Variants in CCNJ observed in about 807,000 individuals in gnomAD.
CCNJ encodes cyclin-J.
Under a neutral mutation model 41.4 loss-of-function variants are expected in CCNJ, and 12 were observed. The ratio of observed to expected loss-of-function variants is 0.29; its 90% CI spans 0.19 to 0.47. The LOEUF (loss-of-function observed/expected upper bound fraction) is 0.47. CCNJ is among the 20% of genes least tolerant of loss of function. CCNJ has a pLI of 1.00. For synonymous variants in CCNJ, 161 were observed against 173.4 expected, an observed-to-expected ratio of 0.93 and a Z score of 0.56; for missense variants, 340 against 464.6, an observed-to-expected ratio of 0.73 and a Z score of 2.47.
rs1348013960 is a variant in CCNJ, at chr10:96,056,969, T to C, written c.549T>C (p.Tyr183=). ...AGACTAAACTCTACATGGCCAAATATGCAGATTACTTCCTGGAAGTATCTT... is the reference window on the plus strand; with the variant it reads ...AGACTAAACTCTACATGGCCAAATACGCAGATTACTTCCTGGAAGTATCTT... ...LEKTKLYMAK[Y]ADYFLEVSLQ... Residue 183 remains tyrosine, a synonymous_variant, in exon 4 of 6, where the codon TAT becomes TAC. Coordinates refer to ENST00000465148, the MANE Select transcript of CCNJ (RefSeq NM_001134375.2). The C allele has an allele frequency of 4.3e-6, 7 of 1,614,044 alleles. No homozygotes were observed. Among genetic ancestry groups the C allele is most frequent in the African/African-American group, 2.7e-5 (2 of 75,056 alleles).
chr10:96,057,402 A>G (rs371391954), intron 5 of CCNJ, among the ~76,000 whole-genome samples, 155 bp downstream of exon 5: 5 of 152,356 alleles, frequency 3.3e-5, no homozygotes, highest in South Asian at 2.1e-4. Flanking sequence ...ATGTATGAGC[A>G]GAACTCTAGG....
intron 3 of CCNJ, among the ~76,000 whole-genome samples, chr10:96,050,737 A>AT (rs1169528355): frequency 1.3e-5 from 2 of 152,170 alleles, no homozygotes; most frequent in Non-Finnish European, 2.9e-5. Flanking sequence ...GGTACTGGGT[A>AT]TTTTTTAACT....
chr10:96,044,240 T>G (rs1889921), intron 1 of CCNJ, 113 bp from the exon 2 acceptor site: 218,892 of 462,452 alleles, frequency 0.47, 52,160 homozygotes, highest in Admixed American at 0.53. Flanking sequence ...TGAGGAAGAG[T>G]CAAGTGAAGA....
At position 96,056,914 on chromosome 10, in the gene CCNJ, A is replaced by T. The variant is rs771553105; in HGVS notation, c.494A>T (p.His165Leu). Reference sequence around the variant, plus strand: ...GAAGCAGTACACGAAACAGATCTTCATGACGGCTGGCCAATGATTTGCTTG... The same window carrying T: ...GAAGCAGTACACGAAACAGATCTTCTTGACGGCTGGCCAATGATTTGCTTG... ...LSEAVHETDL[H>L]DGWPMICLEK... The change falls in exon 4 of 6, where the codon CAT (histidine) becomes CTT (leucine). Residue 165 changes from histidine to leucine, a missense_variant. His to Leu is a moderately conservative substitution (Grantham distance 99). This residue lies in a region of CCNJ where 137 missense variants were observed against 252.9 expected (regional missense o/e 0.54). Transcript: ENST00000465148. The T allele has an allele frequency of 6.2e-7, 1 of 1,614,196 alleles. No individual in the cohort carries two copies. Among genetic ancestry groups the T allele is most frequent in the Non-Finnish European group, 8.5e-7 (1 of 1,180,018 alleles).
chr10:96,044,400 C>T lies in CCNJ; in HGVS notation c.7C>T (p.Leu3=), dbSNP rs1220309444. The T allele has an allele frequency of 1.3e-6, 2 of 1,555,434 alleles. No individual in the cohort carries two copies. The highest frequency in any genetic ancestry group is 1.2e-5 in the South Asian group (1 of 84,644). ME[L]EGQWWRGQLA... ...GGGCGCGCCGCCGGGTCCCATGGAG[C>T]TGGAGGGGCAGTGGTGGCGAGGACA... Residue 3 remains leucine (L), a synonymous_variant, in exon 2 of 6, where the codon CTG becomes TTG. Coordinates refer to ENST00000465148, the MANE Select transcript of CCNJ (RefSeq NM_001134375.2).
chr10:96,043,669 G>A lies in CCNJ; in HGVS notation c.-92G>A, dbSNP rs543765336. ...CACTGTCCGCAGCATGAGCGGGGCCGGCGTCCGCCGCACGACGGCGGGGCT... is the reference window on the plus strand; with the variant it reads ...CACTGTCCGCAGCATGAGCGGGGCCAGCGTCCGCCGCACGACGGCGGGGCT... On this transcript the variant is annotated 5_prime_UTR_variant, in exon 1 of 6. Transcript: ENST00000465148. The A allele has an allele frequency of 3.5e-4, 139 of 394,476 alleles. 3 individuals are homozygous for A. Among genetic ancestry groups the A allele is most frequent in the South Asian group, 1.8e-3 (14 of 7,796 alleles). The allele number at this position is 394,476 out of a possible 1,614,324, so 24.4% of individuals were successfully genotyped here. A position where few individuals can be genotyped will look rare whatever the true frequency, so the allele number is the denominator to read the frequency against.
Position 96,060,534 on chromosome 10 carries a change from A to G in CCNJ, c.*2293A>G, listed in dbSNP as rs147123834. 0.02 allele frequency: 3,123 copies of G among 152,540 alleles called. 136 individuals carry two copies. The highest frequency in any genetic ancestry group is 0.09 in the East Asian group (463 of 5,166). The allele number at this position is 152,540 out of a possible 1,614,324, so 9.4% of individuals were successfully genotyped here. ...TATTTTTAAAACATTAGGTTTCAAT[A>G]TAAATACAACTCACAACTGCTAGCT... is the stretch of plus-strand genomic sequence containing the variant. On this transcript the variant is annotated 3_prime_UTR_variant, in exon 6 of 6. Transcript: ENST00000465148.
chr10:96,050,580 T>C (rs1012844388), intron 3 of CCNJ, 114 bp downstream of exon 3: 6 of 750,370 alleles, frequency 8.0e-6, no homozygotes, highest in Non-Finnish European at 1.3e-5. Flanking sequence ...AGTTCACTAG[T>C]ATCAAGAAGC....
Position 96,057,093 on chromosome 10 carries a change from G to A in CCNJ, c.586G>A (p.Ala196Thr). The change falls in exon 5 of 6, where the codon GCC (alanine) becomes ACC (threonine). Residue 196 changes from alanine (A) to threonine (T), a missense_variant. Ala to Thr is a moderately conservative substitution (Grantham distance 58). This residue lies in a region of CCNJ where 137 missense variants were observed against 252.9 expected (regional missense o/e 0.54). Transcript: ENST00000465148. ...CATTTTTGGTGTCTCCACAGATTAT[G>A]CCTTTCTAAATTATGCACCTTCTTT... ...YFLEVSLQDY[A>T]FLNYAPSLVA... 6.2e-7 allele frequency: 1 copy of A among 1,614,122 alleles called. No homozygotes were observed. Among genetic ancestry groups the A allele is most frequent in the African/African-American group, 1.3e-5 (1 of 75,022 alleles).
rs778391284 is a variant in CCNJ at position 96,056,901 on chromosome 10, G to A, written c.481G>A (p.Glu161Lys). The change falls in exon 4 of 6, where the codon GAA becomes AAA. Residue 161 changes from glutamate to lysine, a missense_variant. Glu to Lys is a moderately conservative substitution (Grantham distance 56, BLOSUM62 1). Around this residue, in one of 3 missense-constraint regions of CCNJ, gnomAD observed 137 missense variants for 252.9 expected, o/e 0.54. Coordinates refer to ENST00000465148, the MANE Select transcript of CCNJ (RefSeq NM_001134375.2). ...IEYYLSEAVHETDLHDGWPMI... is the reference protein window; with the variant it reads ...IEYYLSEAVHKTDLHDGWPMI... ...GTATTATCTCTCTGAAGCAGTACAC[G>A]AAACAGATCTTCATGACGGCTGGCC... is the stretch of plus-strand genomic sequence containing the variant. The A allele has an allele frequency of 2.2e-5, 35 of 1,613,984 alleles. No homozygotes were observed. The South Asian group carries it at 2.4e-4, about 11-fold the overall frequency.
At chr10:96,045,805 T>C (rs1423903036) in intron 2 of CCNJ, among the ~76,000 whole-genome samples, 1 of 152,180 alleles carries the variant, frequency 6.6e-6, no homozygotes, top group Non-Finnish European at 1.5e-5. Context: ...CTCTGGTATG[T>C]AGTGAAATTA....
intron 2 of CCNJ, among the ~76,000 whole-genome samples, chr10:96,048,120 G>C (rs1197175162): frequency 6.6e-6 from 1 of 152,132 alleles, no homozygotes; most frequent in Non-Finnish European, 1.5e-5. Context: ...ACGTGATCTT[G>C]TTCCTTTTCA....
At chr10:96,052,848 G>C (rs2080567718) in intron 3 of CCNJ, among the ~76,000 whole-genome samples, 1 of 152,102 alleles carries the variant, frequency 6.6e-6, no homozygotes, top group Non-Finnish European at 1.5e-5. Flanking sequence ...ATGTATGTGA[G>C]GTATTCTTCA....
Position 96,043,628 on chromosome 10 carries a change from C to T in CCNJ, c.-133C>T, listed in dbSNP as rs561419001. The T allele has an allele frequency of 5.1e-6, 2 of 395,136 alleles. No homozygotes were observed. Among genetic ancestry groups the T allele is most frequent in the Non-Finnish European group, 8.9e-6 (2 of 223,706 alleles). The allele number at this position is 395,136 out of a possible 1,614,324, so 24.5% of individuals were successfully genotyped here. On this transcript the variant is annotated 5_prime_UTR_variant, in exon 1 of 6. Coordinates refer to ENST00000465148, the MANE Select transcript of CCNJ (RefSeq NM_001134375.2). ...TCCAGGCGCTGGGCTCTAGCTGAGG[C>T]CGGCGCTTAGCGGCCCACTGTCCGC...
chr10:96,044,307 G>C, intron 1 of CCNJ, 46 bp from the exon 2 acceptor site: 1 of 1,127,180 alleles, frequency 8.9e-7, no homozygotes, highest in South Asian at 2.6e-5. Context: ...GGCGCAGAGG[G>C]TCGCGGGGGA....
rs952319353 is a variant in CCNJ, at chr10:96,057,888, T to C, written c.799T>C (p.Ser267Pro). The C allele has an allele frequency of 3.1e-6, 5 of 1,614,024 alleles. No homozygotes were observed. The highest frequency in any genetic ancestry group is 3.3e-4 in the Middle Eastern group (2 of 6,084). Reference sequence around the variant, plus strand: ...ACAGAGAGGGCAAGCAGGACCTCAGTCAGCGCAACTAAGTGTATTCCAGAC... The same window carrying C: ...ACAGAGAGGGCAAGCAGGACCTCAGCCAGCGCAACTAAGTGTATTCCAGAC... ...NKQRGQAGPQ[S>P]AQLSVFQTAS... The change falls in exon 6 of 6, where the codon TCA becomes CCA. Residue 267 changes from serine to proline, a missense_variant. Coordinates refer to ENST00000465148, the MANE Select transcript of CCNJ (RefSeq NM_001134375.2).
intron 3 of CCNJ, among the ~76,000 whole-genome samples, chr10:96,056,402 G>A (rs2080693852): frequency 6.6e-6 from 1 of 151,860 alleles, no homozygotes. Flanking sequence ...AAAATATTCA[G>A]CTGATGAGAT....
At position 96,059,157 on chromosome 10, in the gene CCNJ, A is replaced by G. The variant is rs1016718403; in HGVS notation, c.*916A>G. On this transcript the variant is annotated 3_prime_UTR_variant, in exon 6 of 6. Coordinates refer to ENST00000465148, the MANE Select transcript of CCNJ (RefSeq NM_001134375.2). ...TGTAGGTTTTGCATATCTCAGTGCA[A>G]TCCATGATTTATACTCAGAATCGAC... The G allele has an allele frequency of 4.6e-5, 7 of 152,600 alleles. No individual in the cohort carries two copies. Among genetic ancestry groups the G allele is most frequent in the African/African-American group, 1.7e-4 (7 of 41,444 alleles). 9.5% of individuals were successfully genotyped at this position (152,600 alleles called of 1,614,324 possible). A position where few individuals can be genotyped will look rare whatever the true frequency, so the allele number is the denominator to read the frequency against.
Position 96,059,893 on chromosome 10 carries a change from G to A in CCNJ, c.*1652G>A, listed in dbSNP as rs922783703. The A allele has an allele frequency of 1.3e-5, 2 of 152,702 alleles. No individual in the cohort carries two copies. Among genetic ancestry groups the A allele is most frequent in the East Asian group, 3.9e-4 (2 of 5,190 alleles). The allele number at this position is 152,702 out of a possible 1,614,324, so 9.5% of individuals were successfully genotyped here. On this transcript the variant is annotated 3_prime_UTR_variant, in exon 6 of 6. Transcript: ENST00000465148. ...TAGCTTCTGTCAGTATCAATGCTTA[G>A]AGAAATATCCTTTCCTTAAAAAGAA...
Sources: gnomAD v4.1 joint callset for allele counts (sites outside exome capture counted in the v4.1 genomes callset) on GRCh38, gnomAD v4.1.1 for gene constraint, gnomAD v4.1.1 regional missense constraint, MANE v1.5 for transcripts, NCBI Gene and HGNC (gene_info 2026-07-23, HGNC 2026-07-21) for gene names.